GLIS3: variants seen among roughly 807,000 people sequenced by gnomAD.
GLIS3 encodes the protein GLIS family zinc finger 3.
A neutral mutation model predicts 78.6 loss-of-function variants in GLIS3; 53 were observed. The ratio of observed to expected loss-of-function variants is 0.67; its 90% CI spans 0.54 to 0.85. The LOEUF is 0.85. Among genes scored for constraint, GLIS3 ranks in the 40% least tolerant of loss-of-function variants. The probability of loss-of-function intolerance (pLI) is 0.00; values close to 1 mark genes in which losing one functional copy is unlikely to be tolerated. For missense variants in GLIS3, 1,703 were observed against 1,231.1 expected (o/e 1.38, Z -5.74); for synonymous variants, 684 against 509.9 (o/e 1.34, Z -4.60).
chr9:3,951,960 C>T (rs766694219), intron 4 of GLIS3, among the ~76,000 whole-genome samples: 4 of 151,468 alleles, frequency 2.6e-5, no homozygotes, highest in Non-Finnish European at 4.4e-5. Flanking sequence ...ATCTGGGATC[C>T]GGCTGATCAC....
At chr9:4,272,238 T>C (rs976652421) in intron 2 of GLIS3, among the ~76,000 whole-genome samples, 3 of 152,196 alleles carry the variant, frequency 2.0e-5, no homozygotes, top group Middle Eastern at 3.2e-3. Flanking sequence ...AACAATTTAG[T>C]TGGCAGTGGT....
chr9:4,475,995 C>T, the GLIS3 span, among the ~76,000 whole-genome samples: 1 of 152,142 alleles, frequency 6.6e-6, no homozygotes, highest in Non-Finnish European at 1.5e-5. Flanking sequence ...GTGATACTCT[C>T]TCCTCAGCCT....
the GLIS3 span, among the ~76,000 whole-genome samples, chr9:4,385,800 AG>A: frequency 1.3e-5 from 1 of 74,884 alleles, no homozygotes; most frequent in Non-Finnish European, 2.6e-5. Flanking sequence ...AAAGAAAGAA[AG>A]AAAGAAAGAA....
chr9:4,285,094 T>C (rs1827872989), intron 2 of GLIS3, among the ~76,000 whole-genome samples: 1 of 152,236 alleles, frequency 6.6e-6, no homozygotes, highest in Non-Finnish European at 1.5e-5. Flanking sequence ...CTGGCTATTC[T>C]GAAGGTTGCT....
At chr9:4,115,778 C>T (rs76338121) in intron 4 of GLIS3, among the ~76,000 whole-genome samples, 1 of 152,010 alleles carries the variant, frequency 6.6e-6, no homozygotes, top group Non-Finnish European at 1.5e-5. Context: ...CCTAAGAAAC[C>T]CTGTTTATTA....
chr9:4,359,199 C>A, the GLIS3 span, among the ~76,000 whole-genome samples: 2 of 152,064 alleles, frequency 1.3e-5, no homozygotes, highest in East Asian at 1.9e-4. Flanking sequence ...GGAACGCCCA[C>A]CGCTCTGCAT....
the GLIS3 span, among the ~76,000 whole-genome samples, chr9:4,409,371 T>C: frequency 1.3e-5 from 2 of 152,304 alleles, no homozygotes; most frequent in African/African-American, 2.4e-5. Context: ...ATGTTCTCCA[T>C]TTTTTACTTA....
At chr9:3,939,973 T>C (rs1358878659) in intron 4 of GLIS3, among the ~76,000 whole-genome samples, 3 of 152,218 alleles carry the variant, frequency 2.0e-5, no homozygotes, top group South Asian at 2.1e-4. Flanking sequence ...ACTTGTCACA[T>C]TGACAATTCT....
intron 2 of GLIS3, among the ~76,000 whole-genome samples, chr9:4,246,456 A>T (rs1186637718): frequency 6.6e-6 from 1 of 152,156 alleles, no homozygotes; most frequent in East Asian, 1.9e-4. Flanking sequence ...ACAACTCAAG[A>T]GGTATGGTCT....
chr9:4,415,441 T>C, the GLIS3 span, among the ~76,000 whole-genome samples: 1 of 152,240 alleles, frequency 6.6e-6, no homozygotes, highest in Non-Finnish European at 1.5e-5. Context: ...GCCTCAGCCT[T>C]TCTGGCTTCT....
At chr9:3,978,530 T>C (rs934507564) in intron 4 of GLIS3, among the ~76,000 whole-genome samples, 1 of 152,118 alleles carries the variant, frequency 6.6e-6, no homozygotes, top group Non-Finnish European at 1.5e-5. Context: ...TATATACTAT[T>C]GCATTGTATA....
the GLIS3 span, among the ~76,000 whole-genome samples, chr9:4,369,438 G>C: frequency 6.6e-6 from 1 of 152,174 alleles, no homozygotes; most frequent in Non-Finnish European, 1.5e-5. Context: ...TGCATGCACT[G>C]CTCCAAGGGT....
At chr9:4,182,946 A>G (rs1029904085) in intron 2 of GLIS3, among the ~76,000 whole-genome samples, 1 of 152,184 alleles carries the variant, frequency 6.6e-6, no homozygotes, top group African/African-American at 2.4e-5. Context: ...TTGCCAAAGG[A>G]CATACAAAAG....
intron 4 of GLIS3, among the ~76,000 whole-genome samples, chr9:4,307,329 C>G (rs1178712804): frequency 6.6e-6 from 1 of 152,104 alleles, no homozygotes; most frequent in Non-Finnish European, 1.5e-5. Context: ...AGAACAAGAT[C>G]TATTGTATAA....
At chr9:4,410,220 A>G in the GLIS3 span, among the ~76,000 whole-genome samples, 1 of 148,546 alleles carries the variant, frequency 6.7e-6, no homozygotes, top group South Asian at 2.1e-4. Context: ...CAAGCGATCC[A>G]CCTGCCTTGG....
intron 4 of GLIS3, among the ~76,000 whole-genome samples, chr9:3,950,164 A>G (rs909506322): frequency 6.6e-6 from 1 of 151,986 alleles, no homozygotes; most frequent in Non-Finnish European, 1.5e-5. Context: ...AAACATAAAT[A>G]CTTCTCTCCA....
intron 2 of GLIS3, among the ~76,000 whole-genome samples, chr9:4,166,394 C>T (rs1157732481): frequency 6.6e-6 from 1 of 152,162 alleles, no homozygotes; most frequent in Non-Finnish European, 1.5e-5. Context: ...AACCACAGAA[C>T]AAGGCAGATG....
At chr9:3,924,674 C>T (rs1201768188) in intron 6 of GLIS3, among the ~76,000 whole-genome samples, 1 of 152,116 alleles carries the variant, frequency 6.6e-6, no homozygotes, top group Non-Finnish European at 1.5e-5. Context: ...AAAGGAAAGA[C>T]AAGAGAGAAC....
chr9:3,931,354 A>C (rs1825601197), intron 6 of GLIS3, among the ~76,000 whole-genome samples: 1 of 152,182 alleles, frequency 6.6e-6, no homozygotes, highest in Admixed American at 6.5e-5. Flanking sequence ...AAATCCCCAT[A>C]AACCATGAAA....
Sources: gnomAD v4.1 joint callset for allele counts (sites outside exome capture counted in the v4.1 genomes callset) on GRCh38, gnomAD v4.1.1 for gene constraint, MANE v1.5 for transcripts, NCBI Gene and HGNC (gene_info 2026-07-23, HGNC 2026-07-21) for gene names.